NRG3: variants seen among roughly 807,000 people sequenced by gnomAD.
NRG3 encodes neuregulin 3.
A neutral mutation model predicts 66.9 loss-of-function variants in NRG3; 31 were observed. The observed-to-expected ratio is 0.46, with a 90% CI of 0.35 to 0.63. NRG3 has a LOEUF of 0.63. Ranked by LOEUF, NRG3 falls within the 20% of genes least tolerant of loss-of-function variation. The pLI is 0.00. For missense variants in NRG3, 910 were observed against 878.9 expected, an observed-to-expected ratio of 1.04 and a Z score of -0.45; for synonymous variants, 393 against 359.4, an observed-to-expected ratio of 1.09 and a Z score of -1.06.
intron 3 of NRG3, among the ~76,000 whole-genome samples, chr10:82,845,117 T>A (rs1009188442): frequency 1.3e-5 from 2 of 152,150 alleles, no homozygotes; most frequent in African/African-American, 2.4e-5. Flanking sequence ...ATCACACCAC[T>A]GCACTCCAGC....
intron 1 of NRG3, among the ~76,000 whole-genome samples, chr10:82,135,908 A>G (rs995695852): frequency 6.6e-6 from 1 of 152,078 alleles, no homozygotes; most frequent in Non-Finnish European, 1.5e-5. Context: ...GATATTCGTC[A>G]ATGTCTAGGC....
intron 1 of NRG3, among the ~76,000 whole-genome samples, chr10:82,300,404 T>C (rs1455393347): frequency 1.3e-5 from 2 of 152,178 alleles, no homozygotes; most frequent in East Asian, 3.9e-4. Context: ...GTTTTAAAAA[T>C]TGCAATGTAA....
chr10:82,430,548 C>G (rs573318977), intron 2 of NRG3, among the ~76,000 whole-genome samples: 1 of 152,158 alleles, frequency 6.6e-6, no homozygotes, highest in Admixed American at 6.5e-5. Context: ...TGAGCCACCA[C>G]GCCCGACCAT....
chr10:82,586,142 A>T (rs543424050), intron 2 of NRG3, among the ~76,000 whole-genome samples: 1 of 152,218 alleles, frequency 6.6e-6, no homozygotes, highest in Admixed American at 6.5e-5. Flanking sequence ...TATCTGGGTG[A>T]CAGGATCATT....
chr10:81,957,785 A>G lies in NRG3; in HGVS notation c.823+81622A>G, dbSNP rs1849982335. 3.3e-5 allele frequency among the ~76,000 whole-genome samples: 5 copies of G among 152,334 alleles called. No homozygotes were observed. The South Asian group carries it at 8.3e-4, about 25-fold the overall frequency. ...TTCAACTTCTCAGTGCCTTCTCACA[A>G]TTGTCAAATTGGGATAATATCTATT... On this transcript the variant is annotated intron_variant, in intron 1 of 8. Coordinates refer to ENST00000372141, the MANE Select transcript of NRG3 (RefSeq NM_001010848.4).
intron 1 of NRG3, among the ~76,000 whole-genome samples, chr10:82,240,467 A>C (rs2133988274): frequency 6.6e-6 from 1 of 152,290 alleles, no homozygotes; most frequent in East Asian, 1.9e-4. Context: ...GGAAGAATGG[A>C]ATTTTTGAAG....
In NRG3 at chr10:82,671,268, G is replaced by T. The variant is rs191963882; in HGVS notation, c.954-67309G>T. ...TAAGCTCCAGTTGTTACAGGAGAAT[G>T]AATCTCTGGCTGGGACCTTACCTTG... On this transcript the variant is annotated intron_variant, in intron 2 of 8. Coordinates refer to ENST00000372141, the MANE Select transcript of NRG3 (RefSeq NM_001010848.4). Among the ~76,000 whole-genome samples, 24 of 152,322 alleles carry T rather than the reference G, an allele frequency of 1.6e-4. No homozygotes were observed. The East Asian group carries it at 4.0e-3, about 26-fold the overall frequency.
chr10:82,924,653 G>C (rs1262212708), intron 4 of NRG3, among the ~76,000 whole-genome samples: 3 of 151,272 alleles, frequency 2.0e-5, no homozygotes, highest in Non-Finnish European at 4.4e-5. Context: ...TAGACCAGTA[G>C]CATTCAAAGC....
At chr10:82,689,933 G>T (rs767940910) in intron 2 of NRG3, among the ~76,000 whole-genome samples, 1 of 152,138 alleles carries the variant, frequency 6.6e-6, no homozygotes, top group Non-Finnish European at 1.5e-5. Context: ...CCAAACTGGG[G>T]TAAATGAAGA....
At chr10:82,301,085 A>G (rs2080376545) in intron 1 of NRG3, among the ~76,000 whole-genome samples, 1 of 152,224 alleles carries the variant, frequency 6.6e-6, no homozygotes, top group South Asian at 2.1e-4. Flanking sequence ...AGTAATTTGG[A>G]TATATTTCAT....
intron 2 of NRG3, among the ~76,000 whole-genome samples, chr10:82,499,776 T>C (rs1296272627): frequency 6.6e-6 from 1 of 152,198 alleles, no homozygotes; most frequent in Non-Finnish European, 1.5e-5. Flanking sequence ...TATTTTACTT[T>C]TATGATTATA....
chr10:81,911,755 C>T (rs1015462017), intron 1 of NRG3, among the ~76,000 whole-genome samples: 6 of 151,460 alleles, frequency 4.0e-5, no homozygotes, highest in South Asian at 2.1e-4. Flanking sequence ...ACCCCAAACC[C>T]GAAACCAACC....
chr10:82,761,359 C>T (rs186681218), intron 3 of NRG3, among the ~76,000 whole-genome samples: 2 of 152,066 alleles, frequency 1.3e-5, no homozygotes, highest in South Asian at 2.1e-4. Context: ...CCATTTGTAG[C>T]CATAGTGCAA....
rs2079644373 is a variant in NRG3 at position 82,290,181 on chromosome 10, T to C, written c.824-68558T>C. ...ATCAGCATCCTTAAGAGAAGAGTAC[T>C]TAGGTGTAGTATGCTTTGGCTGTTC... is the stretch of plus-strand genomic sequence containing the variant. On this transcript the variant is annotated intron_variant, in intron 1 of 8. Transcript: ENST00000372141. 3.9e-5 allele frequency among the ~76,000 whole-genome samples: 6 copies of C among 152,300 alleles called. No individual in the cohort carries two copies. In the South Asian group the frequency reaches 1.2e-3, roughly 32 times the overall value.
intron 2 of NRG3, among the ~76,000 whole-genome samples, chr10:82,512,488 G>A (rs1565009821): frequency 6.6e-6 from 1 of 152,044 alleles, no homozygotes; most frequent in Non-Finnish European, 1.5e-5. Flanking sequence ...GTCTCACCAT[G>A]TTGGCCAAAC....
intron 2 of NRG3, among the ~76,000 whole-genome samples, chr10:82,699,615 C>T (rs528624447): frequency 3.9e-5 from 6 of 152,094 alleles, no homozygotes; most frequent in African/African-American, 1.4e-4. Flanking sequence ...TCATGTCGAT[C>T]TCTAATGGCT....
intron 1 of NRG3, among the ~76,000 whole-genome samples, chr10:82,071,847 G>T (rs1423993233): frequency 1.3e-5 from 2 of 152,188 alleles, no homozygotes; most frequent in African/African-American, 4.8e-5. Flanking sequence ...TGTAGTAAGG[G>T]TGGAGATAGT....
At chr10:82,812,300 A>G (rs1201439858) in intron 3 of NRG3, among the ~76,000 whole-genome samples, 1 of 152,204 alleles carries the variant, frequency 6.6e-6, no homozygotes, top group African/African-American at 2.4e-5. Flanking sequence ...CTGAAAATTA[A>G]CAACCCAAAT....
At chr10:82,949,182 G>T (rs1849292816) in intron 4 of NRG3, among the ~76,000 whole-genome samples, 1 of 151,928 alleles carries the variant, frequency 6.6e-6, no homozygotes, top group Admixed American at 6.6e-5. Flanking sequence ...GAATCACATT[G>T]ATTAATTTTA....
Sources: allele counts gnomAD v4.1 joint callset (sites outside exome capture counted in the v4.1 genomes callset), GRCh38; gene constraint gnomAD v4.1.1; transcripts MANE v1.5; gene names NCBI Gene and HGNC (gene_info 2026-07-23, HGNC 2026-07-21).